PCDHA1: variants seen among roughly 807,000 people sequenced by gnomAD.
PCDHA1 encodes protocadherin alpha-1.
In PCDHA1, 42 loss-of-function variants were observed where a neutral mutation model predicts 61.3. The observed-to-expected ratio is 0.69, with a 90% CI of 0.54 to 0.89. PCDHA1 has a LOEUF of 0.89. PCDHA1 is among the 40% of genes least tolerant of loss of function. The pLI is 0.00. For missense variants in PCDHA1, 1,256 were observed against 1,235.3 expected, an observed-to-expected ratio of 1.02 and a Z score of -0.25; for synonymous variants, 610 against 553.8, an observed-to-expected ratio of 1.10 and a Z score of -1.43.
At chr5:140,889,042 A>G (rs1395605890) in intron 1 of PCDHA1, among the ~76,000 whole-genome samples, 1 of 152,046 alleles carries the variant, frequency 6.6e-6, no homozygotes, top group African/African-American at 2.4e-5. Context: ...ATTTGATTAT[A>G]ATTTATAATC....
intron 1 of PCDHA1, chr5:140,926,516 G>C: frequency 5.0e-6 from 1 of 198,082 alleles, no homozygotes; most frequent in Non-Finnish European, 1.0e-5. Context: ...CCCAGGCTCC[G>C]CCCTGCGCCC....
intron 1 of PCDHA1, chr5:140,848,913 C>A (rs2150424583): frequency 6.2e-7 from 1 of 1,608,160 alleles, no homozygotes; most frequent in South Asian, 1.1e-5. Flanking sequence ...ACAAAAGAAT[C>A]TGTTCATCGC....
In PCDHA1 at chr5:140,825,506, T is replaced by C. The variant is rs151143740; in HGVS notation, c.2394+36822T>C. On this transcript the variant is annotated intron_variant, in intron 1 of 3. Coordinates refer to ENST00000504120, the MANE Select transcript of PCDHA1 (RefSeq NM_018900.4). ...TGCCCAAACGAGTGCAATGGTACAA[T>C]CTTGGCCTCCCAGGTTCAAGCGATT... 1.1e-4 allele frequency: 17 copies of C among 151,094 alleles called. No homozygotes were observed. The East Asian group carries it at 3.3e-3, about 29-fold the overall frequency. 9.4% of individuals were successfully genotyped at this position (151,094 alleles called of 1,614,324 possible). A position where few individuals can be genotyped will look rare whatever the true frequency, so the allele number is the denominator to read the frequency against.
In PCDHA1 at chr5:140,808,260, C is replaced by T. The variant is rs1412132205; in HGVS notation, c.2394+19576C>T. ...TTGGAATTCAAGTCTTTATCACTTC[C>T]AATTAGAGAGGACGCTCCACTGGGT... On this transcript the variant is annotated intron_variant, in intron 1 of 3. Coordinates refer to ENST00000504120, the MANE Select transcript of PCDHA1 (RefSeq NM_018900.4). The T allele has an allele frequency of 2.5e-6, 4 of 1,614,102 alleles. No homozygotes were observed. Among genetic ancestry groups the T allele is most frequent in the African/African-American group, 1.3e-5 (1 of 74,936 alleles).
chr5:140,842,521 C>G lies in PCDHA1; in HGVS notation c.2394+53837C>G, dbSNP rs144333530. ...ATGTCCCCTTCAAGCTGGTGTCCAC[C>G]TTCAAGAATTACTACTCGTTGGTGC... On this transcript the variant is annotated intron_variant, in intron 1 of 3. Coordinates refer to ENST00000504120, the MANE Select transcript of PCDHA1 (RefSeq NM_018900.4). 5.7e-4 allele frequency: 916 copies of G among 1,613,508 alleles called. 20 individuals are homozygous for G. Among genetic ancestry groups the G allele is most frequent in the Non-Finnish European group, 7.4e-4 (868 of 1,179,496 alleles).
chr5:140,857,003 G>A (rs74982530), intron 1 of PCDHA1: 2 of 1,595,436 alleles, frequency 1.3e-6, no homozygotes, highest in Admixed American at 1.7e-5. Flanking sequence ...TGAAATTCAT[G>A]TAGATGTTAC....
chr5:140,921,131 C>A (rs532456439), intron 1 of PCDHA1, among the ~76,000 whole-genome samples: 1 of 133,054 alleles, frequency 7.5e-6, no homozygotes, highest in East Asian at 2.3e-4. Flanking sequence ...CAGGTGCACA[C>A]CACTACACCC....
chr5:140,847,921 C>T lies in PCDHA1; in HGVS notation c.2394+59237C>T, dbSNP rs1781251714. ...GTAGATTTCTGGGCTCCTATATTCA[C>T]TAGAGATTGCAACTCCTGGATTTCT... On this transcript the variant is annotated intron_variant, in intron 1 of 3. Transcript: ENST00000504120. 2 of 150,926 alleles carry T rather than the reference C, an allele frequency of 1.3e-5. 1 individual carries two copies. Among genetic ancestry groups the T allele is most frequent in the Non-Finnish European group, 2.9e-5 (2 of 67,862 alleles). 9.3% of individuals were successfully genotyped at this position (150,926 alleles called of 1,614,324 possible).
chr5:140,985,928 C>A (rs1001132600), intron 3 of PCDHA1, among the ~76,000 whole-genome samples: 2 of 151,534 alleles, frequency 1.3e-5, no homozygotes, highest in Non-Finnish European at 2.9e-5. Flanking sequence ...TTTAGTAGAG[C>A]CGGGGTTTCA....
intron 1 of PCDHA1, among the ~76,000 whole-genome samples, chr5:140,891,498 G>C (rs566885852): frequency 6.6e-6 from 1 of 151,186 alleles, no homozygotes; most frequent in East Asian, 1.9e-4. Flanking sequence ...CATATCCTCA[G>C]CTATAATGTT....
In PCDHA1 at chr5:140,819,267, T is replaced by C. The variant is rs114370260; in HGVS notation, c.2394+30583T>C. On this transcript the variant is annotated intron_variant, in intron 1 of 3. Transcript: ENST00000504120. ...CAATCTGGTATATCTATATAATTTCTATAGATAAGAGAAGAAAAATATAGC... is the reference window on the plus strand; with the variant it reads ...CAATCTGGTATATCTATATAATTTCCATAGATAAGAGAAGAAAAATATAGC... Among the ~76,000 whole-genome samples, 735 of 152,302 alleles carry C rather than the reference T, an allele frequency of 4.8e-3. 10 individuals carry two copies. The highest frequency in any genetic ancestry group is 0.017 in the African/African-American group (707 of 41,588).
chr5:140,897,970 G>A (rs561364842), intron 1 of PCDHA1, among the ~76,000 whole-genome samples: 10 of 152,210 alleles, frequency 6.6e-5, no homozygotes, highest in Admixed American at 2.6e-4. Context: ...TGTGTCTTTT[G>A]GCTGCATAAA....
Position 140,853,516 on chromosome 5 carries a change from C to T in PCDHA1, c.2394+64832C>T, listed in dbSNP as rs546400632. On this transcript the variant is annotated intron_variant, in intron 1 of 3. Coordinates refer to ENST00000504120, the MANE Select transcript of PCDHA1 (RefSeq NM_018900.4). The stretch of plus-strand genomic sequence containing the variant: ...TTAGAATCATGAAACAATAATGAAG[C>T]TCCTCCTATGTCTCTTTTCAAGTTG... 3.7e-4 allele frequency: 362 copies of T among 976,264 alleles called. 18 individuals are homozygous for T. In the South Asian group the frequency reaches 0.015, roughly 41 times the overall value. The allele number at this position is 976,264 out of a possible 1,614,324, so 60.5% of individuals were successfully genotyped here.
At chr5:140,872,058 C>T (rs2053466493) in intron 1 of PCDHA1, among the ~76,000 whole-genome samples, 1 of 152,212 alleles carries the variant, frequency 6.6e-6, no homozygotes, top group African/African-American at 2.4e-5. Flanking sequence ...CTTCAGCCTC[C>T]AGAGTAGCTG....
intron 1 of PCDHA1, among the ~76,000 whole-genome samples, chr5:140,879,327 A>G (rs2057945221): frequency 6.6e-6 from 1 of 152,232 alleles, no homozygotes; most frequent in South Asian, 2.1e-4. Context: ...TCACTTTTTT[A>G]GTTTGTTCAG....
rs782644238 is a variant in PCDHA1 at position 140,883,107 on chromosome 5, C to A, written c.2394+94423C>A. ...GGTACAAATGGAGATATAGTTTACT[C>A]ATTTAGAAGGCCTGTATGGCCTGCA... On this transcript the variant is annotated intron_variant, in intron 1 of 3. Transcript: ENST00000504120. 15 of 1,614,064 alleles carry A rather than the reference C, an allele frequency of 9.3e-6. No homozygotes were observed. The East Asian group carries it at 3.1e-4, about 34-fold the overall frequency.
At position 140,796,107 on chromosome 5, in the gene PCDHA1, G is replaced by T; in HGVS notation, c.2394+7423G>T. 3.1e-6 allele frequency: 5 copies of T among 1,614,230 alleles called. No homozygotes were observed. In the South Asian group the frequency reaches 5.5e-5, roughly 18 times the overall value. ...CGGTGTCGGATCGCGACTCTGGTAC[G>T]AATGGACATGTCACCTGCTCCCTGA... On this transcript the variant is annotated intron_variant, in intron 1 of 3. Coordinates refer to ENST00000504120, the MANE Select transcript of PCDHA1 (RefSeq NM_018900.4).
At chr5:140,927,400 C>G (rs782428365) in intron 1 of PCDHA1, 11 of 1,614,126 alleles carry the variant, frequency 6.8e-6, no homozygotes, top group Non-Finnish European at 8.5e-6. Flanking sequence ...TCAGCACTTT[C>G]GCCTGGACAT....
intron 1 of PCDHA1, chr5:140,877,946 C>T (rs996993086): frequency 3.2e-5 from 43 of 1,349,440 alleles, no homozygotes; most frequent in Non-Finnish European, 4.0e-5. Context: ...TTTAAACTAT[C>T]GAATGTCTCA....
Sources: gnomAD v4.1 joint callset for allele counts (sites outside exome capture counted in the v4.1 genomes callset) on GRCh38, gnomAD v4.1.1 for gene constraint, MANE v1.5 for transcripts, NCBI Gene and HGNC (gene_info 2026-07-23, HGNC 2026-07-21) for gene names.